Variants in MDGA1 observed in about 807,000 individuals in gnomAD.
The protein encoded by MDGA1 is MAM domain containing glycosylphosphatidylinositol anchor 1, also known as MAM domain-containing glycosylphosphatidylinositol anchor protein 1.
A neutral mutation model predicts 101.5 loss-of-function variants in MDGA1; 54 were observed. That is an observed-to-expected ratio of 0.53 (90% CI 0.43 to 0.67). The LOEUF (loss-of-function observed/expected upper bound fraction) is 0.67. Ranked by LOEUF, MDGA1 falls within the 30% of genes least tolerant of loss-of-function variation. The pLI is 0.00. For synonymous variants in MDGA1, 533 were observed against 558.3 expected, an observed-to-expected ratio of 0.95 and a Z score of 0.64; for missense variants, 1,083 against 1,323.8, an observed-to-expected ratio of 0.82 and a Z score of 2.82.
intron 1 of MDGA1, among the ~76,000 whole-genome samples, chr6:37,665,502 C>T (rs1252160296): frequency 6.6e-6 from 1 of 152,248 alleles, no homozygotes; most frequent in Admixed American, 6.5e-5. Context: ...TATGTTCTAG[C>T]TGCCACAAGG....
At chr6:37,649,287 C>T (rs1204748734) in intron 8 of MDGA1, 21 bp from the exon 9 acceptor site, 26 of 1,464,646 alleles carry the variant, frequency 1.8e-5, no homozygotes, top group Non-Finnish European at 2.3e-5. Context: ...GAGCGGCGGT[C>T]AGCGGGGCCT....
At chr6:37,673,935 C>T (rs1275366031) in intron 1 of MDGA1, among the ~76,000 whole-genome samples, 3 of 152,224 alleles carry the variant, frequency 2.0e-5, no homozygotes, top group African/African-American at 7.2e-5. Flanking sequence ...CTCCCTCTCG[C>T]TCCCTGTCCT....
rs539542895 is a variant in MDGA1, at chr6:37,675,380, G to A, written c.68-11274C>T. Among the ~76,000 whole-genome samples, 8 of 152,196 alleles carry A rather than the reference G, an allele frequency of 5.3e-5. 1 individual carries two copies. The highest frequency in any genetic ancestry group is 4.2e-4 in the South Asian group (2 of 4,816). On this transcript the variant is annotated intron_variant, in intron 1 of 16. Coordinates refer to ENST00000434837, the MANE Select transcript of MDGA1 (RefSeq NM_153487.4). ...AGGATTCGATGAGACAATGCACATC[G>A]GGTACATCACACAGTGACTTGTACT... is the stretch of plus-strand genomic sequence containing the variant.
At chr6:37,664,516 C>T (rs1195379475) in intron 1 of MDGA1, among the ~76,000 whole-genome samples, 2 of 151,874 alleles carry the variant, frequency 1.3e-5, no homozygotes, top group Non-Finnish European at 2.9e-5. Flanking sequence ...AGGGTGCTCA[C>T]CTTCCCCAGG....
intron 1 of MDGA1, among the ~76,000 whole-genome samples, chr6:37,690,759 C>T (rs1034552511): frequency 2.3e-5 from 3 of 133,298 alleles, no homozygotes; most frequent in East Asian, 2.1e-4. Context: ...CCTGGGTAAC[C>T]GAGACTCCAC....
In MDGA1 at chr6:37,647,058, G is replaced by GGGT. The variant is rs1761220673; in HGVS notation, c.2046+112_2046+114dup. The GGGT allele has an allele frequency of 3.2e-6, 3 of 931,744 alleles. No individual in the cohort carries two copies. The East Asian group carries it at 8.0e-5, about 25-fold the overall frequency. The allele number at this position is 931,744 out of a possible 1,614,324, so 57.7% of individuals were successfully genotyped here. A position where few individuals can be genotyped will look rare whatever the true frequency, so the allele number is the denominator to read the frequency against. ...TGCCCCTGAAGAATTGCCTCTAAAA[G>GGGT]GGTCAACGTGTCTAAGCCCCATCTC... On this transcript the variant is annotated intron_variant, in intron 10 of 16. Coordinates refer to ENST00000434837, the MANE Select transcript of MDGA1 (RefSeq NM_153487.4).
In MDGA1 at chr6:37,664,008, G is replaced by A. The variant is rs374048029; in HGVS notation, c.166C>T (p.Leu56Phe). 1 of 1,613,872 alleles carries A rather than the reference G, an allele frequency of 6.2e-7. No individual in the cohort carries two copies. The highest frequency in any genetic ancestry group is 1.3e-5 in the African/African-American group (1 of 74,928). ...RVYTIREGDTLMLQCLVTGHP... is the reference protein window; with the variant it reads ...RVYTIREGDTFMLQCLVTGHP... Reference sequence around the variant, plus strand: ...CCTGTTACAAGGCACTGCAGCATGAGGGTGTCCCCCTCCCGGATGGTGTAG... The same window carrying A: ...CCTGTTACAAGGCACTGCAGCATGAAGGTGTCCCCCTCCCGGATGGTGTAG... Residue 56 changes from leucine (L) to phenylalanine (F), a missense_variant, in exon 2 of 17, where the codon CTC becomes TTC. This residue lies in a region of MDGA1 where 310 missense variants were observed against 355.9 expected (regional missense o/e 0.87). Transcript: ENST00000434837.
chr6:37,692,476 G>A (rs1208472968), intron 1 of MDGA1, among the ~76,000 whole-genome samples: 1 of 151,360 alleles, frequency 6.6e-6, no homozygotes, highest in Non-Finnish European at 1.5e-5. Context: ...GGTGTTTGGG[G>A]TGGGGGTGTC....
In MDGA1 at chr6:37,655,138, A is replaced by G; in HGVS notation, c.580-206T>C. 2 of 622,808 alleles carry G rather than the reference A, an allele frequency of 3.2e-6. No individual in the cohort carries two copies. The highest frequency in any genetic ancestry group is 4.0e-5 in the South Asian group (2 of 49,582). 38.6% of individuals were successfully genotyped at this position (622,808 alleles called of 1,614,324 possible). A position where few individuals can be genotyped will look rare whatever the true frequency, so the allele number is the denominator to read the frequency against. On this transcript the variant is annotated intron_variant, in intron 4 of 16. Coordinates refer to ENST00000434837, the MANE Select transcript of MDGA1 (RefSeq NM_153487.4). This position sits in a 1 kb window ranked among gnomAD's most constrained non-coding sequence, Gnocchi z 5.1. ...TCCATAGCCTTGGCAGTGCCTCATC[A>G]TGGGATTCTCTGGGTCTGAGGTTGC...
In MDGA1 at chr6:37,631,394, A is replaced by T. The variant is rs2113984405; in HGVS notation, c.*5974T>A. 1 of 152,300 alleles carries T rather than the reference A, an allele frequency of 6.6e-6. No homozygotes were observed. Among genetic ancestry groups the T allele is most frequent in the South Asian group, 2.1e-4 (1 of 4,812 alleles). 9.4% of individuals were successfully genotyped at this position (152,300 alleles called of 1,614,324 possible). A position where few individuals can be genotyped will look rare whatever the true frequency, so the allele number is the denominator to read the frequency against. ...CCTCTTCCATTAGAAAAGAAAGGCC[A>T]GGTGTGCCAGCAAGAAGTTACCCAA... On this transcript the variant is annotated 3_prime_UTR_variant, in exon 17 of 17. Transcript: ENST00000434837.
chr6:37,647,261 G>T lies in MDGA1; in HGVS notation c.1958C>A (p.Ser653Tyr). The T allele has an allele frequency of 1.3e-6, 2 of 1,570,874 alleles. No individual in the cohort carries two copies. Among genetic ancestry groups the T allele is most frequent in the Non-Finnish European group, 1.7e-6 (2 of 1,158,262 alleles). The change falls in exon 10 of 17, where the codon TCC (serine) becomes TAC (tyrosine). Residue 653 changes from serine to tyrosine, a missense_variant. Coordinates refer to ENST00000434837, the MANE Select transcript of MDGA1 (RefSeq NM_153487.4). ...TPNPTRSHKL[S>Y]KNYSYVLQWT... Reference sequence around the variant, plus strand: ...CTGCAGCACGTAGGAGTAGTTCTTGGACAGCTTGTGGCTGCGGGTGGGGTT... The same window carrying T: ...CTGCAGCACGTAGGAGTAGTTCTTGTACAGCTTGTGGCTGCGGGTGGGGTT...
intron 1 of MDGA1, among the ~76,000 whole-genome samples, chr6:37,674,970 T>A (rs1761947359): frequency 6.6e-6 from 1 of 152,020 alleles, no homozygotes; most frequent in South Asian, 2.1e-4. Flanking sequence ...GGCGGGAGAA[T>A]CACTTGAACC....
chr6:37,654,837 T>G lies in MDGA1; in HGVS notation c.675A>C (p.Pro225=). ...QVSVRNVCGI[P]DKAITFRLTN... is the part of the protein sequence containing the mutation. ...TGAGCCGGAAGGTGATGGCCTTGTC[T>G]GGGATGCCGCACACGTTACGCACAG... is the stretch of plus-strand genomic sequence containing the variant. Residue 225 remains proline (P), a synonymous_variant, in exon 5 of 17, where the codon CCA becomes CCC. Transcript: ENST00000434837. 6.2e-7 allele frequency: 1 copy of G among 1,613,742 alleles called. No homozygotes were observed. Among genetic ancestry groups the G allele is most frequent in the Admixed American group, 1.7e-5 (1 of 59,996 alleles).
intron 14 of MDGA1, among the ~76,000 whole-genome samples, chr6:37,640,381 G>A (rs1039078261): frequency 3.3e-5 from 5 of 151,890 alleles, no homozygotes; most frequent in South Asian, 2.1e-4. Context: ...GGGGCGGTGC[G>A]GGGACAGGGT....
chr6:37,670,483 T>C lies in MDGA1; in HGVS notation c.68-6377A>G, dbSNP rs141223465. Among the ~76,000 whole-genome samples, 324 of 152,366 alleles carry C rather than the reference T, an allele frequency of 2.1e-3. 1 individual carries two copies. The highest frequency in any genetic ancestry group is 7.5e-3 in the African/African-American group (312 of 41,584). On this transcript the variant is annotated intron_variant, in intron 1 of 16. Transcript: ENST00000434837. ...CATGGTACTAGTGCACTTGGCTGTG[T>C]GGCTTTCAGCAAGTTACTTAAGCCT...
chr6:37,650,198 T>C lies in MDGA1; in HGVS notation c.1520A>G (p.Asp507Gly), dbSNP rs559470117. ...CTGGCAGCGGTAGGTCCCGCTCATG[T>C]CTCGGCTCACTCGCTCCAGCCGCAG... ...GKLRLERVSR[D>G]MSGTYRCQTA... The change falls in exon 8 of 17, where the codon GAC (aspartate) becomes GGC (glycine). Residue 507 changes from aspartate to glycine, a missense_variant. Asp to Gly is a moderately conservative substitution (Grantham distance 94). Coordinates refer to ENST00000434837, the MANE Select transcript of MDGA1 (RefSeq NM_153487.4). 1 of 1,613,200 alleles carries C rather than the reference T, an allele frequency of 6.2e-7. No homozygotes were observed. The highest frequency in any genetic ancestry group is 1.3e-5 in the African/African-American group (1 of 75,062).
intron 10 of MDGA1, among the ~76,000 whole-genome samples, chr6:37,646,913 C>T (rs62398391): frequency 6.6e-6 from 1 of 152,184 alleles, no homozygotes; most frequent in Admixed American, 6.5e-5. Flanking sequence ...CTCCCTCCCC[C>T]ACGAACCCAG....
intron 14 of MDGA1, among the ~76,000 whole-genome samples, chr6:37,641,398 G>A (rs1394608529): frequency 6.6e-6 from 1 of 152,094 alleles, no homozygotes; most frequent in Non-Finnish European, 1.5e-5. Context: ...GTGTTGTCTG[G>A]GCACTCTTAG....
chr6:37,641,107 G>A (rs1764064906), intron 14 of MDGA1, among the ~76,000 whole-genome samples: 1 of 152,150 alleles, frequency 6.6e-6, no homozygotes, highest in Non-Finnish European at 1.5e-5. Flanking sequence ...CACTCTGCCT[G>A]GCAGCTCTGG....
Sources: allele counts gnomAD v4.1 joint callset (sites outside exome capture counted in the v4.1 genomes callset), GRCh38; gene constraint gnomAD v4.1.1; regional missense constraint gnomAD v4.1.1; non-coding constraint Gnocchi (gnomAD v3.1); transcripts MANE v1.5; gene names NCBI Gene and HGNC (gene_info 2026-07-23, HGNC 2026-07-21).